DENND2A: variants seen among roughly 807,000 people sequenced by gnomAD.
The protein encoded by DENND2A is DENN domain containing 2A.
In DENND2A, 53 loss-of-function variants were observed where a neutral mutation model predicts 105.3. That is an observed-to-expected ratio of 0.50 (90% confidence interval 0.40 to 0.63). The LOEUF is 0.63. Ranked by LOEUF, DENND2A falls within the 30% of genes least tolerant of loss-of-function variation. The pLI is 0.00. For synonymous variants in DENND2A, 522 were observed against 508.4 expected, an observed-to-expected ratio of 1.03 and a Z score of -0.36; for missense variants, 1,138 against 1,279.6, an observed-to-expected ratio of 0.89 and a Z score of 1.69.
chr7:140,555,546 A>G (rs1797326197), intron 12 of DENND2A, 90 bp downstream of exon 12: 2 of 1,093,622 alleles, frequency 1.8e-6, no homozygotes, highest in Admixed American at 4.5e-5. Flanking sequence ...ATAAGATGAT[A>G]GAAGGCCCAG....
intron 4 of DENND2A, among the ~76,000 whole-genome samples, chr7:140,586,170 A>G (rs1003625004): frequency 1.3e-5 from 2 of 151,844 alleles, no homozygotes; most frequent in Non-Finnish European, 2.9e-5. Context: ...GGTGGCAGCC[A>G]TTGTGGGGAC....
At chr7:140,619,353 T>C (rs7787017) in intron 1 of DENND2A, among the ~76,000 whole-genome samples, 68,652 of 151,996 alleles carry the variant, frequency 0.45, 19,605 homozygotes, top group African/African-American at 0.82. Context: ...AGTAGGCTGG[T>C]GATTGCTGAG....
chr7:140,580,829 G>A (rs1798511224), intron 5 of DENND2A, among the ~76,000 whole-genome samples: 1 of 151,650 alleles, frequency 6.6e-6, no homozygotes, highest in Admixed American at 6.6e-5. Flanking sequence ...TAGAGACGGG[G>A]TTTCACCATG....
At chr7:140,599,205 G>A (rs1585727190) in intron 3 of DENND2A, among the ~76,000 whole-genome samples, 1 of 152,206 alleles carries the variant, frequency 6.6e-6, no homozygotes, top group African/African-American at 2.4e-5. Context: ...AGGCGTGGTG[G>A]CGTGCGCCTG....
At chr7:140,538,303 C>T (rs768617243) in intron 14 of DENND2A, among the ~76,000 whole-genome samples, 7 of 152,210 alleles carry the variant, frequency 4.6e-5, no homozygotes, top group Non-Finnish European at 7.4e-5. Context: ...CACCGGGCCA[C>T]GCACTGAGTC....
chr7:140,552,280 C>T (rs1274810005), intron 12 of DENND2A, among the ~76,000 whole-genome samples: 1 of 152,080 alleles, frequency 6.6e-6, no homozygotes, highest in South Asian at 2.1e-4. Flanking sequence ...TGATAGCATT[C>T]ATTTTCTTTC....
At chr7:140,635,516 G>C (rs2130744950) in intron 1 of DENND2A, among the ~76,000 whole-genome samples, 1 of 152,208 alleles carries the variant, frequency 6.6e-6, no homozygotes, top group South Asian at 2.1e-4. Context: ...GCGGCTCCCT[G>C]TACTGGCCCC....
At chr7:140,585,736 A>G in intron 4 of DENND2A, 26 bp from the exon 5 acceptor site, 1 of 1,614,044 alleles carries the variant, frequency 6.2e-7, no homozygotes, top group Non-Finnish European at 8.5e-7. Context: ...ATGTGTCAGG[A>G]ACCTGGGAAC....
intron 12 of DENND2A, among the ~76,000 whole-genome samples, chr7:140,554,518 G>A (rs747511998): frequency 6.0e-5 from 9 of 151,002 alleles, no homozygotes; most frequent in Non-Finnish European, 8.9e-5. Context: ...CGCCTGTAAT[G>A]CCAGCTACTC....
intron 12 of DENND2A, among the ~76,000 whole-genome samples, chr7:140,555,291 G>A (rs1369921738): frequency 2.0e-5 from 3 of 151,748 alleles, no homozygotes; most frequent in Non-Finnish European, 4.4e-5. Context: ...CCGCCACCAC[G>A]CCTGGCTAAT....
intron 1 of DENND2A, among the ~76,000 whole-genome samples, chr7:140,622,675 C>T (rs1403667779): frequency 1.3e-5 from 2 of 152,132 alleles, no homozygotes; most frequent in Admixed American, 1.3e-4. Flanking sequence ...ACCCCCGTCC[C>T]AGCCCCAACC....
chr7:140,612,512 T>A (rs574299800), intron 1 of DENND2A, among the ~76,000 whole-genome samples: 9 of 151,958 alleles, frequency 5.9e-5, no homozygotes, highest in African/African-American at 2.2e-4. Context: ...CTAATTTTTT[T>A]TTTTTTTGAG....
chr7:140,542,805 A>G (rs1349409820), intron 14 of DENND2A, among the ~76,000 whole-genome samples: 1 of 151,850 alleles, frequency 6.6e-6, no homozygotes, highest in African/African-American at 2.4e-5. Flanking sequence ...ACCTCAAGTG[A>G]TCCACCTGCC....
chr7:140,568,944 A>G, intron 7 of DENND2A, 131 bp from the exon 8 acceptor site: 1 of 797,878 alleles, frequency 1.3e-6, no homozygotes, highest in Non-Finnish European at 2.0e-6. Context: ...TTTTTTTTTG[A>G]GATGGAGTCT....
At chr7:140,606,049 TG>T (rs898661273) in intron 1 of DENND2A, among the ~76,000 whole-genome samples, 1 of 152,166 alleles carries the variant, frequency 6.6e-6, no homozygotes, top group African/African-American at 2.4e-5. Context: ...TTTGTTCATT[TG>T]TTTTTTTTGA....
intron 14 of DENND2A, among the ~76,000 whole-genome samples, chr7:140,542,703 C>T (rs1796718588): frequency 6.6e-6 from 1 of 151,540 alleles, no homozygotes; most frequent in Admixed American, 6.6e-5. Flanking sequence ...GCTGGGATTA[C>T]AGGCGTGGAC....
chr7:140,561,666 G>C (rs1223098730), intron 9 of DENND2A, among the ~76,000 whole-genome samples: 1 of 127,674 alleles, frequency 7.8e-6, no homozygotes, highest in East Asian at 2.3e-4. Context: ...ACCACACCTA[G>C]CTATTTTTTT....
intron 6 of DENND2A, among the ~76,000 whole-genome samples, chr7:140,572,331 T>C (rs1341620329): frequency 6.6e-6 from 1 of 151,468 alleles, no homozygotes; most frequent in Non-Finnish European, 1.5e-5. Flanking sequence ...TTCAGGTCAA[T>C]GGGTCACTCA....
At chr7:140,531,641 A>C (rs1430954340) in intron 14 of DENND2A, among the ~76,000 whole-genome samples, 3 of 151,548 alleles carry the variant, frequency 2.0e-5, no homozygotes, top group Non-Finnish European at 4.4e-5. Context: ...TCTACTAAAA[A>C]TACAAAAAAT....
Sources: gnomAD v4.1 joint callset for allele counts (sites outside exome capture counted in the v4.1 genomes callset) on GRCh38, gnomAD v4.1.1 for gene constraint, MANE v1.5 for transcripts, NCBI Gene and HGNC (gene_info 2026-07-23, HGNC 2026-07-21) for gene names.